Variants in CSMD1 observed in about 807,000 individuals in gnomAD.
CSMD1 encodes CUB and sushi domain-containing protein 1.
Under a neutral mutation model 417.5 loss-of-function variants are expected in CSMD1, and 213 were observed. That is an observed-to-expected ratio of 0.51 (90% confidence interval 0.46 to 0.57). The LOEUF is 0.57. CSMD1 is among the 20% of genes least tolerant of loss of function. The pLI, the probability that CSMD1 is intolerant of heterozygous loss-of-function variation, is 0.00. For missense variants in CSMD1, 6,923 were observed against 4,529.7 expected (o/e 1.53, Z -15.17); for synonymous variants, 2,862 against 1,736.8 (o/e 1.65, Z -16.11).
intron 8 of CSMD1, among the ~76,000 whole-genome samples, chr8:3,610,229 A>T (rs1248391280): frequency 3.3e-5 from 5 of 152,180 alleles, no homozygotes; most frequent in Non-Finnish European, 7.3e-5. Context: ...GAACATAAAT[A>T]GTAGATATAA....
intron 4 of CSMD1, among the ~76,000 whole-genome samples, chr8:4,022,189 T>C (rs563540111): frequency 4.3e-4 from 63 of 148,206 alleles, no homozygotes; most frequent in African/African-American, 1.5e-3. Flanking sequence ...TATGTGTATA[T>C]ATATATATAT....
chr8:2,967,082 GTT>G (rs898646383), intron 57 of CSMD1, among the ~76,000 whole-genome samples: 14 of 152,270 alleles, frequency 9.2e-5, no homozygotes, highest in African/African-American at 3.4e-4. Flanking sequence ...GGGATTGAAT[GTT>G]TTTAATGCCG....
intron 3 of CSMD1, among the ~76,000 whole-genome samples, chr8:4,072,618 T>A (rs1022287156): frequency 1.2e-4 from 18 of 152,354 alleles, no homozygotes; most frequent in African/African-American, 4.3e-4. Flanking sequence ...TCTGTGTTTA[T>A]GTTTTGAAAA....
chr8:3,196,143 T>G (rs1257817034), intron 33 of CSMD1, among the ~76,000 whole-genome samples: 1 of 152,134 alleles, frequency 6.6e-6, no homozygotes, highest in East Asian at 1.9e-4. Flanking sequence ...CCACTGCTCA[T>G]TATATACTAA....
chr8:4,498,240 T>G (rs1348737355), intron 2 of CSMD1, among the ~76,000 whole-genome samples: 1 of 152,198 alleles, frequency 6.6e-6, no homozygotes, highest in African/African-American at 2.4e-5. Context: ...ACTCAACTCT[T>G]GCTTAGCTTC....
chr8:3,128,648 T>G (rs2129024952), intron 41 of CSMD1: 1 of 308,356 alleles, frequency 3.2e-6, no homozygotes, highest in East Asian at 8.2e-5. Context: ...ACTGACAAAC[T>G]ATCTAATTAA....
intron 3 of CSMD1, among the ~76,000 whole-genome samples, chr8:4,114,125 G>A (rs1034064712): frequency 6.6e-6 from 1 of 152,182 alleles, no homozygotes; most frequent in South Asian, 2.1e-4. Context: ...TTTCATAGGA[G>A]GAAAGAGGGT....
In CSMD1 at chr8:3,359,063, C is replaced by T. The variant is rs561676503; in HGVS notation, c.3304+89G>A. On this transcript the variant is annotated intron_variant, in intron 21 of 69. Transcript: ENST00000635120. ...ACCCTCTCCTTCCTTGTCAACAAAC[C>T]CCCACCCGACCCCGACCACCCTAGG... 2.8e-4 allele frequency: 352 copies of T among 1,278,556 alleles called. 5 individuals carry two copies. In the South Asian group the frequency reaches 3.8e-3, roughly 14 times the overall value. 79.2% of individuals were successfully genotyped at this position (1,278,556 alleles called of 1,614,324 possible).
intron 5 of CSMD1, among the ~76,000 whole-genome samples, chr8:3,777,778 CAG>C (rs1355276256): frequency 1.1e-5 from 1 of 93,366 alleles, no homozygotes; most frequent in Non-Finnish European, 2.2e-5. Context: ...GTTCCCACTC[CAG>C]ACCCACAGCC....
intron 1 of CSMD1, among the ~76,000 whole-genome samples, chr8:4,826,643 T>G (rs182242917): frequency 1.3e-5 from 2 of 152,268 alleles, no homozygotes; most frequent in East Asian, 1.9e-4. Context: ...CTGCAGGCAC[T>G]TGCACCTCAC....
rs536819778 is a variant in CSMD1 at position 4,362,325 on chromosome 8, C to A, written c.415+57628G>T. Among the ~76,000 whole-genome samples the A allele has an allele frequency of 2.0e-5, 3 of 152,284 alleles. No homozygotes were observed. In the South Asian group the frequency reaches 6.2e-4, roughly 32 times the overall value. On this transcript the variant is annotated intron_variant, in intron 3 of 69. Coordinates refer to ENST00000635120, the MANE Select transcript of CSMD1 (RefSeq NM_033225.6). The stretch of plus-strand genomic sequence containing the variant: ...GGACTCCTTGGCCCTGGGGTTGTAA[C>A]TGAACCTTGAGACCCCAAGCTCATC...
intron 1 of CSMD1, among the ~76,000 whole-genome samples, chr8:4,807,062 G>C (rs1394657116): frequency 1.3e-5 from 2 of 152,120 alleles, no homozygotes; most frequent in African/African-American, 4.8e-5. Context: ...AATAGAAAAA[G>C]AATTAAATAT....
At chr8:3,375,852 C>T (rs1810272367) in intron 18 of CSMD1, among the ~76,000 whole-genome samples, 1 of 152,180 alleles carries the variant, frequency 6.6e-6, no homozygotes, top group Admixed American at 6.5e-5. Context: ...ACCCCTCAAT[C>T]CTCCAGACCT....
intron 37 of CSMD1, among the ~76,000 whole-genome samples, chr8:3,179,094 C>CAT (rs1554452987): frequency 2.6e-5 from 4 of 151,660 alleles, no homozygotes; most frequent in South Asian, 2.1e-4. Context: ...ACTACAGGCC[C>CAT]GCCACCACGC....
chr8:4,801,915 C>T lies in CSMD1; in HGVS notation c.86-164357G>A, dbSNP rs79623434. On this transcript the variant is annotated intron_variant, in intron 1 of 69. Transcript: ENST00000635120. Reference sequence around the variant, plus strand: ...TAGGTACTATTTGCAAGGCAGCATTCGTACTGTGATTCAAGGTAACTGGTA... The same window carrying T: ...TAGGTACTATTTGCAAGGCAGCATTTGTACTGTGATTCAAGGTAACTGGTA... Among the ~76,000 whole-genome samples the T allele has an allele frequency of 2.3e-4, 35 of 152,308 alleles. No individual in the cohort carries two copies. The East Asian group carries it at 4.1e-3, about 18-fold the overall frequency.
chr8:3,705,990 T>G (rs1563292352), intron 7 of CSMD1, among the ~76,000 whole-genome samples: 1 of 152,344 alleles, frequency 6.6e-6, no homozygotes, highest in East Asian at 1.9e-4. Context: ...ATACTCAGTC[T>G]CCTACAGATG....
At chr8:4,153,654 T>C (rs1796683246) in intron 3 of CSMD1, among the ~76,000 whole-genome samples, 1 of 152,206 alleles carries the variant, frequency 6.6e-6, no homozygotes. Context: ...ACATCCTTTA[T>C]TTTCTCATAA....
intron 54 of CSMD1, among the ~76,000 whole-genome samples, chr8:2,983,197 T>A (rs651282): frequency 0.067 from 10,198 of 151,746 alleles, 493 homozygotes; most frequent in African/African-American, 0.13. Flanking sequence ...ACATATATAT[T>A]TTTTTTTGAG....
intron 26 of CSMD1, among the ~76,000 whole-genome samples, chr8:3,275,634 A>G (rs533362003): frequency 6.6e-6 from 1 of 152,006 alleles, no homozygotes; most frequent in African/African-American, 2.4e-5. Flanking sequence ...GTTTCTTTTT[A>G]TTCTTTTTTC....
Sources: allele counts gnomAD v4.1 joint callset (sites outside exome capture counted in the v4.1 genomes callset), GRCh38; gene constraint gnomAD v4.1.1; transcripts MANE v1.5; gene names NCBI Gene and HGNC (gene_info 2026-07-23, HGNC 2026-07-21).